The following KCNH7 variants were observed in gnomAD, a reference collection of about 807,000 sequenced individuals.
KCNH7 encodes the protein potassium voltage-gated channel subfamily H member 7, also known as voltage-gated inwardly rectifying potassium channel KCNH7.
A neutral mutation model predicts 120.8 loss-of-function variants in KCNH7; 49 were observed. The observed-to-expected ratio is 0.41, with a 90% CI of 0.32 to 0.51. KCNH7 has a LOEUF of 0.51. Among genes scored for constraint, KCNH7 ranks in the 20% least tolerant of loss-of-function variants. KCNH7 has a pLI of 0.38. For synonymous variants in KCNH7, 547 were observed against 516.1 expected, an observed-to-expected ratio of 1.06 and a Z score of -0.81; for missense variants, 1,097 against 1,446.6, an observed-to-expected ratio of 0.76 and a Z score of 3.92.
rs1686922869 is a variant in KCNH7, at chr2:162,396,757, T to G, written c.2596A>C (p.Arg866=). 6.2e-7 allele frequency: 1 copy of G among 1,610,522 alleles called. No individual in the cohort carries two copies. Among genetic ancestry groups the G allele is most frequent in the Non-Finnish European group, 8.5e-7 (1 of 1,177,860 alleles). The change falls in exon 11 of 16, where the codon AGG becomes CGG. Residue 866 remains arginine (R), a synonymous_variant. Transcript: ENST00000332142. ...LTNLELTFNL[R]HESAKADLLR... ...ACATATACCTTTGCGCTCTCATGCC[T>G]TAGGTTGAAAGTCAACTCTAGGTTT...
rs188325231 is a variant in KCNH7, at chr2:162,780,622, T to C, written c.307+55915A>G. Among the ~76,000 whole-genome samples, 282 of 152,282 alleles carry C rather than the reference T, an allele frequency of 1.9e-3. 1 individual carries two copies. The highest frequency in any genetic ancestry group is 6.4e-3 in the African/African-American group (267 of 41,572). Reference sequence around the variant, plus strand: ...GCAAAATCGTTTTTATTTACCCTCTTATATTTTCCTAATTGAACTAATTTT... The same window carrying C: ...GCAAAATCGTTTTTATTTACCCTCTCATATTTTCCTAATTGAACTAATTTT... On this transcript the variant is annotated intron_variant, in intron 2 of 15. Coordinates refer to ENST00000332142, the MANE Select transcript of KCNH7 (RefSeq NM_033272.4).
At chr2:162,486,933 T>G (rs1163156464) in intron 6 of KCNH7, among the ~76,000 whole-genome samples, 3 of 152,190 alleles carry the variant, frequency 2.0e-5, no homozygotes, top group Non-Finnish European at 4.4e-5. Flanking sequence ...TCTGGAAGGG[T>G]TACTGTTTGA....
At chr2:162,733,370 T>C (rs1347853858) in intron 2 of KCNH7, among the ~76,000 whole-genome samples, 2 of 152,204 alleles carry the variant, frequency 1.3e-5, no homozygotes, top group Non-Finnish European at 2.9e-5. Context: ...GCCCAACTCA[T>C]TGACATCAAG....
At chr2:162,627,578 G>A (rs1268039567) in intron 2 of KCNH7, among the ~76,000 whole-genome samples, 1 of 152,104 alleles carries the variant, frequency 6.6e-6, no homozygotes, top group Non-Finnish European at 1.5e-5. Flanking sequence ...CTTGAATGAA[G>A]TAAAAACTGA....
intron 2 of KCNH7, among the ~76,000 whole-genome samples, chr2:162,786,555 A>G (rs1334908773): frequency 6.6e-6 from 1 of 152,230 alleles, no homozygotes; most frequent in Admixed American, 6.5e-5. Context: ...TTCTGTTTAA[A>G]TAAATGTTGG....
In KCNH7 at chr2:162,377,716, T is replaced by A. The variant is rs542465738; in HGVS notation, c.3131+2137A>T. 3.9e-5 allele frequency among the ~76,000 whole-genome samples: 6 copies of A among 152,274 alleles called. No homozygotes were observed. The East Asian group carries it at 9.7e-4, about 25-fold the overall frequency. On this transcript the variant is annotated intron_variant, in intron 14 of 15. Transcript: ENST00000332142. ...CTTCCTGGCCCTCCCCAGCTCTATT[T>A]TTCAGGGTTTTTCTAACATTAACAA...
At chr2:162,564,194 C>T (rs984072880) in intron 2 of KCNH7, among the ~76,000 whole-genome samples, 2 of 151,892 alleles carry the variant, frequency 1.3e-5, no homozygotes, top group Non-Finnish European at 2.9e-5. Flanking sequence ...TATTTCCACC[C>T]CTCCATTAAT....
chr2:162,556,635 A>G (rs1048980530), intron 2 of KCNH7, among the ~76,000 whole-genome samples: 9 of 152,336 alleles, frequency 5.9e-5, no homozygotes, highest in Non-Finnish European at 8.8e-5. Flanking sequence ...TTGAAAATCC[A>G]TCTTACTGAG....
intron 2 of KCNH7, among the ~76,000 whole-genome samples, chr2:162,740,512 C>T (rs1407046776): frequency 6.6e-6 from 1 of 152,156 alleles, no homozygotes; most frequent in African/African-American, 2.4e-5. Context: ...GAGTTTGTGT[C>T]TGCAGGCAAG....
At chr2:162,629,937 G>A in intron 2 of KCNH7, among the ~76,000 whole-genome samples, 1 of 152,094 alleles carries the variant, frequency 6.6e-6, no homozygotes. Context: ...GGACATAAAT[G>A]AAGAAATTTG....
At chr2:162,752,330 T>C (rs1688579288) in intron 2 of KCNH7, among the ~76,000 whole-genome samples, 2 of 152,194 alleles carry the variant, frequency 1.3e-5, no homozygotes, top group African/African-American at 4.8e-5. Flanking sequence ...TTATATCAAC[T>C]ACAATGTTGT....
chr2:162,680,883 G>C (rs1685688051), intron 2 of KCNH7, among the ~76,000 whole-genome samples: 3 of 151,750 alleles, frequency 2.0e-5, no homozygotes, highest in Non-Finnish European at 4.4e-5. Flanking sequence ...ATAGGGCTTT[G>C]GAATTGGTAC....
intron 3 of KCNH7, among the ~76,000 whole-genome samples, chr2:162,533,141 G>C (rs1301501003): frequency 1.3e-5 from 2 of 151,612 alleles, no homozygotes; most frequent in Admixed American, 6.6e-5. Flanking sequence ...TTCTTATAAA[G>C]ATAACTGTTG....
chr2:162,463,597 G>C (rs1030557815), intron 6 of KCNH7, among the ~76,000 whole-genome samples: 4 of 151,824 alleles, frequency 2.6e-5, no homozygotes, highest in Non-Finnish European at 5.9e-5. Context: ...TCACCAGATG[G>C]CTAAAATGTG....
At chr2:162,647,821 T>C (rs1684420922) in intron 2 of KCNH7, among the ~76,000 whole-genome samples, 1 of 152,174 alleles carries the variant, frequency 6.6e-6, no homozygotes, top group South Asian at 2.1e-4. Context: ...TACATATCCC[T>C]TTGTAGTTTG....
At chr2:162,773,253 C>T (rs1481496079) in intron 2 of KCNH7, among the ~76,000 whole-genome samples, 2 of 152,040 alleles carry the variant, frequency 1.3e-5, no homozygotes, top group Non-Finnish European at 2.9e-5. Flanking sequence ...TTTGGGAGGC[C>T]GAGGCAGGCT....
At chr2:162,413,451 T>A (rs1403528332) in intron 9 of KCNH7, among the ~76,000 whole-genome samples, 1 of 152,078 alleles carries the variant, frequency 6.6e-6, no homozygotes, top group Non-Finnish European at 1.5e-5. Flanking sequence ...CTACACTGAG[T>A]GGACAAATAG....
chr2:162,468,952 G>A (rs1689401476), intron 6 of KCNH7, among the ~76,000 whole-genome samples: 1 of 151,886 alleles, frequency 6.6e-6, no homozygotes, highest in African/African-American at 2.4e-5. Context: ...CCAGGCCCAG[G>A]TGACCCTCCC....
chr2:162,505,093 T>A (rs577698127), intron 5 of KCNH7, among the ~76,000 whole-genome samples: 1 of 152,102 alleles, frequency 6.6e-6, no homozygotes, highest in African/African-American at 2.4e-5. Flanking sequence ...CCTGCTCCAA[T>A]TTGTGTTACT....
Sources: allele counts gnomAD v4.1 joint callset (sites outside exome capture counted in the v4.1 genomes callset), GRCh38; gene constraint gnomAD v4.1.1; transcripts MANE v1.5; gene names NCBI Gene and HGNC (gene_info 2026-07-23, HGNC 2026-07-21).